WDR33: variants seen among roughly 807,000 people sequenced by gnomAD.
The protein encoded by WDR33 is pre-mRNA 3' end processing protein WDR33.
WDR33 carries 47 observed loss-of-function variants against 164.9 expected under a neutral mutation model. The ratio of observed to expected loss-of-function variants is 0.29; its 90% CI spans 0.23 to 0.36. The LOEUF is 0.36. Among genes scored for constraint, WDR33 ranks in the 10% least tolerant of loss-of-function variants. The pLI is 1.00. For synonymous variants in WDR33, 505 were observed against 589.0 expected (o/e 0.86, Z 2.06); for missense variants, 1,137 against 1,754.1 (o/e 0.65, Z 6.28).
rs1188014468 is a variant in WDR33 at position 127,720,733 on chromosome 2, T to C, written c.1672-380A>G. Among the ~76,000 whole-genome samples the C allele has an allele frequency of 6.6e-6, 1 of 152,086 alleles. No individual in the cohort carries two copies. The highest frequency in any genetic ancestry group is 1.5e-5 in the Non-Finnish European group (1 of 67,998). On this transcript the variant is annotated intron_variant, in intron 15 of 21. Transcript: ENST00000322313. This position sits in a 1 kb window ranked among gnomAD's most constrained non-coding sequence, Gnocchi z 5.9. ...GCACATGCCACCACACCCAGCTAAT[T>C]ATTATTTGTAGAGACAGGGTCTTGC...
rs182841377 is a variant in WDR33, at chr2:127,753,021, G to T, written c.724+10041C>A. On this transcript the variant is annotated intron_variant, in intron 7 of 21. Transcript: ENST00000322313. ...TCATTGCAACCTCCTCTGCCTCCTG[G>T]GTTCAAGCAATTCTCTTGCCTCAGC... 1.2e-3 allele frequency among the ~76,000 whole-genome samples: 179 copies of T among 152,268 alleles called. 1 individual carries two copies. Among genetic ancestry groups the T allele is most frequent in the Non-Finnish European group, 2.3e-3 (157 of 68,014 alleles).
At chr2:127,729,790 C>T (rs993466522) in intron 7 of WDR33, among the ~76,000 whole-genome samples, 11 of 152,170 alleles carry the variant, frequency 7.2e-5, no homozygotes, top group African/African-American at 2.4e-4. Flanking sequence ...CCACTGCACC[C>T]GGCCAACTAT....
At chr2:127,711,772 A>ATTTTTTTTTTTTTTTTTTT (rs1419760091) in intron 18 of WDR33, among the ~76,000 whole-genome samples, 3 of 87,740 alleles carry the variant, frequency 3.4e-5, no homozygotes, top group African/African-American at 1.2e-4. Flanking sequence ...ATATATATAT[A>ATTTTTTTTTTTTTTTTTTT]TATATATATT....
In WDR33 at chr2:127,712,802, C is replaced by G. The variant is rs1686213405; in HGVS notation, c.3308+781G>C. Among the ~76,000 whole-genome samples the G allele has an allele frequency of 6.6e-6, 1 of 152,072 alleles. No individual in the cohort carries two copies. On this transcript the variant is annotated intron_variant, in intron 18 of 21. Coordinates refer to ENST00000322313, the MANE Select transcript of WDR33 (RefSeq NM_018383.5). The surrounding 1 kb of genome is among the most constrained non-coding windows in gnomAD (Gnocchi z 4.0). ...AAGAGACAGGGTCTTGCTCTGTAGCCCAGGCTGAAGTGCAATGGCATAATC... is the reference window on the plus strand; with the variant it reads ...AAGAGACAGGGTCTTGCTCTGTAGCGCAGGCTGAAGTGCAATGGCATAATC...
intron 7 of WDR33, among the ~76,000 whole-genome samples, chr2:127,752,047 A>G (rs1013935429): frequency 6.6e-6 from 1 of 152,346 alleles, no homozygotes; most frequent in South Asian, 2.1e-4. Flanking sequence ...TTAGATTTCT[A>G]TATTTGAATC....
chr2:127,748,884 T>TA lies in WDR33; in HGVS notation c.724+14177dup, dbSNP rs59425653. On this transcript the variant is annotated intron_variant, in intron 7 of 21. Coordinates refer to ENST00000322313, the MANE Select transcript of WDR33 (RefSeq NM_018383.5). ...CAGGGCCTCCTAGGTAGCTGAAACT[T>TA]AAAAAAAAAAAAAAAAAAAAAAGTG... Among the ~76,000 whole-genome samples, 869 of 104,950 alleles carry TA rather than the reference T, an allele frequency of 8.3e-3. 7 individuals carry two copies. The highest frequency in any genetic ancestry group is 0.011 in the Middle Eastern group (2 of 184). The allele number at this position is 104,950 out of a possible 152,430, so 68.9% of individuals were successfully genotyped here. A position where few individuals can be genotyped will look rare whatever the true frequency, so the allele number is the denominator to read the frequency against.
intron 1 of WDR33, among the ~76,000 whole-genome samples, chr2:127,784,729 T>C (rs991292262): frequency 1.3e-5 from 2 of 152,180 alleles, no homozygotes; most frequent in African/African-American, 2.4e-5. Context: ...TTAAAATCCA[T>C]TGATTTGTCC....
intron 1 of WDR33, among the ~76,000 whole-genome samples, chr2:127,809,633 G>A (rs751091294): frequency 8.6e-5 from 13 of 151,664 alleles, no homozygotes; most frequent in African/African-American, 3.1e-4. Flanking sequence ...ACGGGGTTCC[G>A]CCATGTTGGT....
chr2:127,711,653 AGCCCC>A (rs2105372714), intron 18 of WDR33, among the ~76,000 whole-genome samples: 1 of 148,020 alleles, frequency 6.8e-6, no homozygotes, highest in African/African-American at 2.5e-5. Context: ...TTGCTTCCTT[AGCCCC>A]GACTATGTCA....
intron 7 of WDR33, among the ~76,000 whole-genome samples, chr2:127,742,248 C>G (rs1016331920): frequency 3.3e-5 from 5 of 151,930 alleles, no homozygotes; most frequent in African/African-American, 1.2e-4. Context: ...AAAATTTCGG[C>G]TGGGCACAGT....
chr2:127,701,988 G>T lies in WDR33; in HGVS notation c.*4335C>A. The stretch of plus-strand genomic sequence containing the variant: ...CGCGCTGCTCTACATGGCAGCGCTG[G>T]GCGCCACGCTGTTCGCCGCGCTGGG... On this transcript the variant is annotated 3_prime_UTR_variant, in exon 22 of 22. Coordinates refer to ENST00000322313, the MANE Select transcript of WDR33 (RefSeq NM_018383.5). 7.4e-7 allele frequency: 1 copy of T among 1,342,830 alleles called. No individual in the cohort carries two copies. The highest frequency in any genetic ancestry group is 9.5e-7 in the Non-Finnish European group (1 of 1,050,396). 83.2% of individuals were successfully genotyped at this position (1,342,830 alleles called of 1,614,324 possible).
intron 1 of WDR33, among the ~76,000 whole-genome samples, chr2:127,772,340 G>A (rs1688035605): frequency 6.6e-6 from 1 of 152,114 alleles, no homozygotes; most frequent in African/African-American, 2.4e-5. Context: ...TCAGGAGGCT[G>A]AGGCAGGAGA....
Position 127,719,383 on chromosome 2 carries a change from G to C in WDR33, c.2642C>G (p.Pro881Arg). The part of the protein sequence containing the change: ...PPPQGGMQGP[P>R]GPQGQQNPAR... ...TGGGTTCTGCTGTCCCTGAGGTCCG[G>C]GGGGTCCTTGCATGCCACCCTGGGG... Residue 881 changes from proline (P) to arginine (R), a missense_variant, in exon 16 of 22, where the codon CCC becomes CGC. This residue lies in a region of WDR33 where 867 missense variants were observed against 1,073.0 expected (regional missense o/e 0.81). Transcript: ENST00000322313. The surrounding 1 kb of genome is among the most constrained non-coding windows in gnomAD (Gnocchi z 6.5). 6.6e-7 allele frequency: 1 copy of C among 1,522,116 alleles called. No individual in the cohort carries two copies. Among genetic ancestry groups the C allele is most frequent in the East Asian group, 2.3e-5 (1 of 44,042 alleles). 94.3% of individuals were successfully genotyped at this position (1,522,116 alleles called of 1,614,324 possible).
At chr2:127,715,093 T>C (rs1032432350) in intron 17 of WDR33, among the ~76,000 whole-genome samples, 20 of 144,532 alleles carry the variant, frequency 1.4e-4, no homozygotes, top group African/African-American at 4.6e-4. Context: ...TGTTTCTTTT[T>C]TTTTTTTTTT....
At position 127,706,576 on chromosome 2, in the gene WDR33, G is replaced by A; in HGVS notation, c.3782-24C>T. On this transcript the variant is annotated intron_variant, in intron 21 of 21. Coordinates refer to ENST00000322313, the MANE Select transcript of WDR33 (RefSeq NM_018383.5). The surrounding 1 kb of genome is among the most constrained non-coding windows in gnomAD (Gnocchi z 5.1). ...GCCTGAAACAAAGAAAATTTCACATGGGACTTTTTGTATTAGCAACTGTTT... is the reference window on the plus strand; with the variant it reads ...GCCTGAAACAAAGAAAATTTCACATAGGACTTTTTGTATTAGCAACTGTTT... The A allele has an allele frequency of 6.3e-7, 1 of 1,578,654 alleles. No individual in the cohort carries two copies. Among genetic ancestry groups the A allele is most frequent in the Non-Finnish European group, 8.6e-7 (1 of 1,164,904 alleles).
At chr2:127,774,895 G>A (rs1158090567) in intron 1 of WDR33, among the ~76,000 whole-genome samples, 2 of 152,156 alleles carry the variant, frequency 1.3e-5, no homozygotes, top group African/African-American at 4.8e-5. Context: ...CACATATTGT[G>A]TGATTATGTT....
chr2:127,708,989 CGTTCACTCA>C lies in WDR33; in HGVS notation c.3566-106_3566-98del. ...GAGTAAGGAGCAACTCGAGAGCCAC[CGTTCACTCA>C]TGCTGAATGCCCGCCAGAGGCCAAA... On this transcript the variant is annotated intron_variant, in intron 20 of 21. Transcript: ENST00000322313. The surrounding 1 kb of genome is among the most constrained non-coding windows in gnomAD (Gnocchi z 6.7). The C allele has an allele frequency of 7.7e-7, 1 of 1,304,164 alleles. No individual in the cohort carries two copies. 80.8% of individuals were successfully genotyped at this position (1,304,164 alleles called of 1,614,324 possible). A position where few individuals can be genotyped will look rare whatever the true frequency, so the allele number is the denominator to read the frequency against.
intron 7 of WDR33, among the ~76,000 whole-genome samples, chr2:127,752,183 T>A (rs1297743720): frequency 6.6e-6 from 1 of 152,250 alleles, no homozygotes; most frequent in African/African-American, 2.4e-5. Flanking sequence ...CACTTGTTCA[T>A]CCAACTTCCT....
chr2:127,776,020 A>C (rs1159361647), intron 1 of WDR33, among the ~76,000 whole-genome samples: 2 of 152,204 alleles, frequency 1.3e-5, no homozygotes, highest in African/African-American at 2.4e-5. Flanking sequence ...CTTGGCCAAA[A>C]TCACAACAGT....
Sources: allele counts gnomAD v4.1 joint callset (sites outside exome capture counted in the v4.1 genomes callset), GRCh38; gene constraint gnomAD v4.1.1; regional missense constraint gnomAD v4.1.1; non-coding constraint Gnocchi (gnomAD v3.1); transcripts MANE v1.5; gene names NCBI Gene and HGNC (gene_info 2026-07-23, HGNC 2026-07-21).